Variants in GALNTL6 observed in about 807,000 individuals in gnomAD.
GALNTL6 encodes the protein polypeptide N-acetylgalactosaminyltransferase like 6.
GALNTL6 carries 46 observed loss-of-function variants against 73.7 expected under a neutral mutation model. The ratio of observed to expected loss-of-function variants is 0.62; its 90% CI spans 0.49 to 0.80. GALNTL6 has a LOEUF of 0.80. Ranked by LOEUF, GALNTL6 falls within the 30% of genes least tolerant of loss-of-function variation. GALNTL6 has a pLI of 0.00. For missense variants in GALNTL6, 604 were observed against 755.0 expected (o/e 0.80, Z 2.34); for synonymous variants, 259 against 263.7 (o/e 0.98, Z 0.17).
chr4:172,182,009 G>A (rs11722427), intron 2 of GALNTL6, among the ~76,000 whole-genome samples: 66,612 of 151,922 alleles, frequency 0.44, 16,957 homozygotes, highest in East Asian at 0.8. Context: ...GAGCCACCGC[G>A]CCCGGCCTTC....
chr4:172,379,723 T>C (rs1418462062), intron 5 of GALNTL6, among the ~76,000 whole-genome samples: 1 of 152,002 alleles, frequency 6.6e-6, no homozygotes, highest in African/African-American at 2.4e-5. Context: ...ACCTGACAAC[T>C]ACCTTCATTC....
chr4:172,232,352 C>T (rs1737100005), intron 3 of GALNTL6, among the ~76,000 whole-genome samples: 1 of 151,890 alleles, frequency 6.6e-6, no homozygotes. Context: ...TGACTTTCTT[C>T]TTTCACTCAA....
At chr4:172,544,588 T>C (rs1455584517) in intron 5 of GALNTL6, among the ~76,000 whole-genome samples, 1 of 152,140 alleles carries the variant, frequency 6.6e-6, no homozygotes, top group Non-Finnish European at 1.5e-5. Flanking sequence ...ATATTATTTG[T>C]CTTCCTCTTC....
chr4:172,605,129 C>G (rs1280850535), intron 5 of GALNTL6, among the ~76,000 whole-genome samples: 1 of 152,160 alleles, frequency 6.6e-6, no homozygotes, highest in Non-Finnish European at 1.5e-5. Flanking sequence ...TGAATTACAT[C>G]AAAGCCACTG....
chr4:172,469,782 TTTTA>T (rs1487623223), intron 5 of GALNTL6, among the ~76,000 whole-genome samples: 2 of 152,252 alleles, frequency 1.3e-5, no homozygotes. Context: ...TTTCACGTTA[TTTTA>T]TTTATTTAAA....
intron 5 of GALNTL6, among the ~76,000 whole-genome samples, chr4:172,746,403 TTAAAA>T (rs1410206150): frequency 6.6e-6 from 1 of 152,102 alleles, no homozygotes; most frequent in African/African-American, 2.4e-5. Context: ...AGTATGAAAA[TTAAAA>T]TAAACACTGA....
chr4:172,152,655 C>G (rs1376766622), intron 2 of GALNTL6, among the ~76,000 whole-genome samples: 2 of 152,176 alleles, frequency 1.3e-5, no homozygotes, highest in Non-Finnish European at 2.9e-5. Context: ...GACGCTGAGG[C>G]TGGAGTACAG....
At chr4:172,668,109 C>A (rs1731772027) in intron 5 of GALNTL6, 1 of 152,052 alleles carries the variant, frequency 6.6e-6, no homozygotes, top group Non-Finnish European at 1.5e-5. Flanking sequence ...ATTTCAATCC[C>A]TGTCTAGAAA....
chr4:171,931,869 T>A (rs866444558), intron 2 of GALNTL6, among the ~76,000 whole-genome samples: 2 of 152,120 alleles, frequency 1.3e-5, no homozygotes, highest in Middle Eastern at 3.2e-3. Flanking sequence ...AAATCCTTAA[T>A]TCACATTTGT....
intron 5 of GALNTL6, among the ~76,000 whole-genome samples, chr4:172,585,302 A>G (rs1265537714): frequency 2.6e-5 from 4 of 152,008 alleles, no homozygotes; most frequent in South Asian, 2.1e-4. Context: ...GGTTTGTTAC[A>G]TAGGTATACA....
intron 2 of GALNTL6, among the ~76,000 whole-genome samples, chr4:171,982,189 T>A (rs964864651): frequency 3.3e-5 from 5 of 152,172 alleles, no homozygotes; most frequent in African/African-American, 1.2e-4. Context: ...AATCTTCAGA[T>A]TTTTTTCTCC....
intron 3 of GALNTL6, among the ~76,000 whole-genome samples, chr4:172,268,277 C>CAGG (rs1304228938): frequency 6.6e-6 from 1 of 152,116 alleles, no homozygotes; most frequent in African/African-American, 2.4e-5. Context: ...GATTGGCATG[C>CAGG]AGGAGGTTTA....
chr4:171,838,794 A>G (rs566142947), intron 2 of GALNTL6, among the ~76,000 whole-genome samples: 14 of 152,240 alleles, frequency 9.2e-5, no homozygotes, highest in Non-Finnish European at 1.9e-4. Context: ...TGATTCCCAG[A>G]TCTTTATAGG....
intron 2 of GALNTL6, among the ~76,000 whole-genome samples, chr4:171,929,216 G>A (rs747349789): frequency 1.8e-4 from 28 of 152,134 alleles, no homozygotes; most frequent in Non-Finnish European, 3.2e-4. Flanking sequence ...AGAGGCCCAC[G>A]CCACCATGCC....
intron 5 of GALNTL6, among the ~76,000 whole-genome samples, chr4:172,639,212 C>T (rs1739844460): frequency 6.6e-6 from 1 of 152,092 alleles, no homozygotes; most frequent in East Asian, 1.9e-4. Context: ...ATCGATGATT[C>T]TTGCCTGTAA....
At chr4:172,910,823 C>A (rs1747158070) in intron 8 of GALNTL6, among the ~76,000 whole-genome samples, 1 of 151,836 alleles carries the variant, frequency 6.6e-6, no homozygotes, top group South Asian at 2.1e-4. Flanking sequence ...GCTTCTTTTC[C>A]TCACCCCTTA....
At chr4:172,478,026 T>C (rs1733302458) in intron 5 of GALNTL6, among the ~76,000 whole-genome samples, 1 of 152,174 alleles carries the variant, frequency 6.6e-6, no homozygotes, top group Non-Finnish European at 1.5e-5. Context: ...AGAGGCACTC[T>C]TTGTACCTGT....
chr4:172,741,373 G>A (rs919414612), intron 5 of GALNTL6, among the ~76,000 whole-genome samples: 2 of 152,082 alleles, frequency 1.3e-5, no homozygotes, highest in Admixed American at 1.3e-4. Context: ...AAGCAAAGGA[G>A]AAGAAAGGAT....
chr4:172,059,460 C>T (rs775662685), intron 2 of GALNTL6, among the ~76,000 whole-genome samples: 1 of 152,016 alleles, frequency 6.6e-6, no homozygotes, highest in Non-Finnish European at 1.5e-5. Flanking sequence ...AGAAATAAAA[C>T]TAATTGTCAA....
Sources: gnomAD v4.1 joint callset for allele counts (sites outside exome capture counted in the v4.1 genomes callset) on GRCh38, gnomAD v4.1.1 for gene constraint, MANE v1.5 for transcripts, NCBI Gene and HGNC (gene_info 2026-07-23, HGNC 2026-07-21) for gene names.